MARCHF5: variants seen among roughly 807,000 people sequenced by gnomAD.
The protein encoded by MARCHF5 is E3 ubiquitin-protein ligase MARCHF5.
MARCHF5 carries 5 observed loss-of-function variants against 36.5 expected under a neutral mutation model. That is an observed-to-expected ratio of 0.14 (90% CI 0.07 to 0.29). The LOEUF is 0.29. Ranked by LOEUF, MARCHF5 falls within the 10% of genes least tolerant of loss-of-function variation. MARCHF5 has a pLI of 1.00. For missense variants in MARCHF5, 179 were observed against 336.3 expected (o/e 0.53, Z 3.66); for synonymous variants, 103 against 109.9 (o/e 0.94, Z 0.39).
intron 2 of MARCHF5, among the ~76,000 whole-genome samples, chr10:92,314,371 C>T (rs918385956): frequency 3.3e-5 from 5 of 152,156 alleles, no homozygotes; most frequent in African/African-American, 7.2e-5. Context: ...CCGCTGGGCA[C>T]GGTGGCTCAC....
rs1234886251 is a variant in MARCHF5 at position 92,328,815 on chromosome 10, A to AT, written c.239-11857dup. The stretch of plus-strand genomic sequence containing the variant: ...CAGTGAGGTTATTATATATATATAT[A>AT]TATATATTTTTTTTTTTTTTACAGG... On this transcript the variant is annotated intron_variant, in intron 2 of 5. Transcript: ENST00000358935. Among the ~76,000 whole-genome samples, 353 of 66,068 alleles carry AT rather than the reference A, an allele frequency of 5.3e-3. 1 individual carries two copies. Among genetic ancestry groups the AT allele is most frequent in the South Asian group, 0.015 (25 of 1,720 alleles). The allele number at this position is 66,068 out of a possible 152,430, so 43.3% of individuals were successfully genotyped here.
At chr10:92,350,820 C>T (rs980111457) in intron 5 of MARCHF5, among the ~76,000 whole-genome samples, 4 of 152,142 alleles carry the variant, frequency 2.6e-5, no homozygotes, top group African/African-American at 9.7e-5. Flanking sequence ...CTTTGTATAT[C>T]AGAGTATATG....
chr10:92,338,434 T>C (rs1843530947), intron 2 of MARCHF5, among the ~76,000 whole-genome samples: 1 of 152,234 alleles, frequency 6.6e-6, no homozygotes, highest in African/African-American at 2.4e-5. Flanking sequence ...ACACAGTCTC[T>C]TATAGACCCT....
intron 1 of MARCHF5, among the ~76,000 whole-genome samples, chr10:92,301,975 C>T (rs1005873621): frequency 2.6e-5 from 4 of 152,096 alleles, no homozygotes; most frequent in Admixed American, 2.0e-4. Flanking sequence ...GCAGGAGGAT[C>T]GCTTGAACCC....
At chr10:92,336,802 T>C (rs530250648) in intron 2 of MARCHF5, among the ~76,000 whole-genome samples, 1 of 151,726 alleles carries the variant, frequency 6.6e-6, no homozygotes. Context: ...AGACTGAAAA[T>C]TGAGTAGTGA....
At chr10:92,340,565 C>CTG (rs971281182) in intron 2 of MARCHF5, 108 bp from the exon 3 acceptor site, 1 of 1,043,146 alleles carries the variant, frequency 9.6e-7, no homozygotes, top group Non-Finnish European at 1.4e-6. Flanking sequence ...AAGTGAGACC[C>CTG]TGTGTCTTGT....
At chr10:92,320,621 A>G (rs1030514291) in intron 2 of MARCHF5, among the ~76,000 whole-genome samples, 1 of 151,732 alleles carries the variant, frequency 6.6e-6, no homozygotes, top group Admixed American at 6.6e-5. Context: ...AAAAAAGTTT[A>G]AAAAGTAAGA....
intron 2 of MARCHF5, among the ~76,000 whole-genome samples, chr10:92,320,443 CAGA>C (rs1356915355): frequency 1.3e-5 from 2 of 151,984 alleles, no homozygotes; most frequent in African/African-American, 4.8e-5. Context: ...GGAGGTGTTT[CAGA>C]AGAAGGCATT....
At chr10:92,318,570 A>C (rs532931282) in intron 2 of MARCHF5, among the ~76,000 whole-genome samples, 4 of 152,008 alleles carry the variant, frequency 2.6e-5, no homozygotes, top group Non-Finnish European at 5.9e-5. Flanking sequence ...AAAAATACAG[A>C]AAATTAGCCA....
intron 3 of MARCHF5, among the ~76,000 whole-genome samples, chr10:92,344,126 A>T: frequency 6.6e-6 from 1 of 152,236 alleles, no homozygotes; most frequent in East Asian, 1.9e-4. Flanking sequence ...CACAATGTTA[A>T]AAGAATTTTG....
intron 2 of MARCHF5, among the ~76,000 whole-genome samples, chr10:92,338,010 CAA>C (rs772486756): frequency 5.3e-5 from 5 of 94,802 alleles, no homozygotes; most frequent in Admixed American, 2.2e-4. Context: ...CCCATCTCTA[CAA>C]AAAAAAAAAA....
chr10:92,294,869 C>A (rs1195551445), intron 1 of MARCHF5, among the ~76,000 whole-genome samples: 1 of 152,014 alleles, frequency 6.6e-6, no homozygotes, highest in African/African-American at 2.4e-5. Flanking sequence ...AAGACTCAGT[C>A]TTTACAAAAA....
chr10:92,297,886 G>T (rs1216225900), intron 1 of MARCHF5, among the ~76,000 whole-genome samples: 1 of 151,244 alleles, frequency 6.6e-6, no homozygotes, highest in African/African-American at 2.4e-5. Context: ...CCCCTTTCTT[G>T]TCATTAGCTC....
At chr10:92,299,013 G>T (rs1260903501) in intron 1 of MARCHF5, among the ~76,000 whole-genome samples, 2 of 150,912 alleles carry the variant, frequency 1.3e-5, no homozygotes, top group Non-Finnish European at 3.0e-5. Context: ...GGGGGATAGA[G>T]ACGGGTCTCA....
intron 1 of MARCHF5, among the ~76,000 whole-genome samples, chr10:92,307,175 C>CTGTGTGTGTGTGTGTGTG (rs376178460): frequency 5.7e-5 from 7 of 121,814 alleles, no homozygotes; most frequent in East Asian, 2.4e-4. Context: ...AAGAAAACAT[C>CTGTGTGTGTGTGTGTGTG]TGTGTGTGTG....
chr10:92,348,166 A>G (rs1286265442), intron 3 of MARCHF5, among the ~76,000 whole-genome samples: 1 of 122,582 alleles, frequency 8.2e-6, no homozygotes. Flanking sequence ...CTGGGCAACA[A>G]GAGCAAAAAA....
At chr10:92,314,085 G>T (rs776697774) in intron 2 of MARCHF5, among the ~76,000 whole-genome samples, 4 of 152,044 alleles carry the variant, frequency 2.6e-5, no homozygotes, top group African/African-American at 7.2e-5. Flanking sequence ...GAGCACACCT[G>T]TTGTAAGTCC....
At chr10:92,327,129 T>A (rs1843371621) in intron 2 of MARCHF5, among the ~76,000 whole-genome samples, 1 of 152,140 alleles carries the variant, frequency 6.6e-6, no homozygotes, top group Admixed American at 6.5e-5. Flanking sequence ...GCAAGCTACT[T>A]GCAAGCTACT....
At chr10:92,321,226 A>G (rs1205832630) in intron 2 of MARCHF5, among the ~76,000 whole-genome samples, 1 of 152,024 alleles carries the variant, frequency 6.6e-6, no homozygotes, top group African/African-American at 2.4e-5. Flanking sequence ...ATTGAGTAAC[A>G]CGTGAGTGTA....
Sources: gnomAD v4.1 joint callset for allele counts (sites outside exome capture counted in the v4.1 genomes callset) on GRCh38, gnomAD v4.1.1 for gene constraint, MANE v1.5 for transcripts, NCBI Gene and HGNC (gene_info 2026-07-23, HGNC 2026-07-21) for gene names.